The following ANTXR1 variants were observed in gnomAD, a reference collection of about 807,000 sequenced individuals.
ANTXR1 encodes ANTXR cell adhesion molecule 1.
Under a neutral mutation model 78.1 loss-of-function variants are expected in ANTXR1, and 19 were observed. The observed-to-expected ratio is 0.24, with a 90% CI of 0.17 to 0.36. The LOEUF (loss-of-function observed/expected upper bound fraction) is 0.36. ANTXR1 is among the 10% of genes least tolerant of loss of function. The pLI, the probability that ANTXR1 is intolerant of heterozygous loss-of-function variation, is 1.00. For missense variants in ANTXR1, 518 were observed against 718.6 expected, an observed-to-expected ratio of 0.72 and a Z score of 3.19; for synonymous variants, 273 against 260.5, an observed-to-expected ratio of 1.05 and a Z score of -0.46.
At chr2:69,144,638 T>C (rs1370219514) in intron 12 of ANTXR1, among the ~76,000 whole-genome samples, 1 of 152,246 alleles carries the variant, frequency 6.6e-6, no homozygotes, top group Admixed American at 6.5e-5. Flanking sequence ...TTTCCTGTCC[T>C]ATTTCTGGCA....
chr2:69,137,420 C>T (rs1029545617), intron 12 of ANTXR1, among the ~76,000 whole-genome samples: 9 of 152,114 alleles, frequency 5.9e-5, no homozygotes, highest in African/African-American at 2.2e-4. Flanking sequence ...TAGTGAATGA[C>T]CAATGTGTCC....
intron 2 of ANTXR1, among the ~76,000 whole-genome samples, chr2:69,044,341 A>C (rs534539418): frequency 6.6e-6 from 1 of 152,142 alleles, no homozygotes; most frequent in East Asian, 1.9e-4. Flanking sequence ...TCATCATTAG[A>C]GAATACACCA....
At chr2:69,209,760 G>A (rs1484900098) in intron 17 of ANTXR1, among the ~76,000 whole-genome samples, 4 of 152,250 alleles carry the variant, frequency 2.6e-5, no homozygotes, top group African/African-American at 7.2e-5. Context: ...AGAGGCCAGC[G>A]GTGATGGGTG....
chr2:69,131,625 GCACAAT>G (rs1672749506), intron 12 of ANTXR1, among the ~76,000 whole-genome samples: 1 of 152,160 alleles, frequency 6.6e-6, no homozygotes, highest in African/African-American at 2.4e-5. Context: ...CCAGCACCTG[GCACAAT>G]GTCTGCACAT....
chr2:69,140,103 C>T (rs767088872), intron 12 of ANTXR1, among the ~76,000 whole-genome samples: 1 of 152,178 alleles, frequency 6.6e-6, no homozygotes, highest in Non-Finnish European at 1.5e-5. Context: ...TAATCACCTT[C>T]ACCATCGTAA....
At chr2:69,118,838 T>C (rs1236057093) in intron 10 of ANTXR1, among the ~76,000 whole-genome samples, 1 of 152,076 alleles carries the variant, frequency 6.6e-6, no homozygotes, top group Non-Finnish European at 1.5e-5. Context: ...TGGCCCTCCT[T>C]TGTTTAGAGA....
chr2:69,187,151 C>T (rs1330367645), intron 16 of ANTXR1, among the ~76,000 whole-genome samples: 2 of 152,162 alleles, frequency 1.3e-5, no homozygotes, highest in Non-Finnish European at 2.9e-5. Context: ...AGAGAGAACA[C>T]ACGGAGGGAA....
At chr2:69,165,062 CA>C (rs1673792753) in intron 13 of ANTXR1, among the ~76,000 whole-genome samples, 1 of 152,206 alleles carries the variant, frequency 6.6e-6, no homozygotes, top group South Asian at 2.1e-4. Flanking sequence ...GTCAGAAATG[CA>C]AGTGCCCCTC....
At chr2:69,200,383 G>A (rs1674745021) in intron 17 of ANTXR1, among the ~76,000 whole-genome samples, 1 of 152,234 alleles carries the variant, frequency 6.6e-6, no homozygotes, top group African/African-American at 2.4e-5. Flanking sequence ...CCAGTCACAT[G>A]GGCACCATGT....
intron 3 of ANTXR1, among the ~76,000 whole-genome samples, chr2:69,056,084 A>G (rs538755351): frequency 3.7e-4 from 56 of 152,318 alleles, no homozygotes; most frequent in African/African-American, 1.3e-3. Context: ...AATACAAATT[A>G]AGAATAAAAA....
At chr2:69,185,172 C>A (rs1458571958) in intron 16 of ANTXR1, among the ~76,000 whole-genome samples, 1 of 152,214 alleles carries the variant, frequency 6.6e-6, no homozygotes, top group Non-Finnish European at 1.5e-5. Context: ...CATTCTTCGG[C>A]CCCACCTAAG....
intron 12 of ANTXR1, among the ~76,000 whole-genome samples, chr2:69,130,913 T>C (rs1187956838): frequency 6.6e-6 from 1 of 152,276 alleles, no homozygotes; most frequent in African/African-American, 2.4e-5. Flanking sequence ...GTAAATCAGA[T>C]GTGGTGATAA....
chr2:69,132,105 G>A (rs1470474755), intron 12 of ANTXR1, among the ~76,000 whole-genome samples: 1 of 152,166 alleles, frequency 6.6e-6, no homozygotes, highest in Non-Finnish European at 1.5e-5. Flanking sequence ...ATAGACTCAA[G>A]ATCACTCCAG....
intron 9 of ANTXR1, among the ~76,000 whole-genome samples, chr2:69,092,688 G>C (rs1275198261): frequency 6.6e-6 from 1 of 152,150 alleles, no homozygotes; most frequent in Non-Finnish European, 1.5e-5. Flanking sequence ...ATCTTACCTA[G>C]GCAAATTTGA....
chr2:69,121,805 G>T (rs1672355610), intron 10 of ANTXR1, among the ~76,000 whole-genome samples: 1 of 152,132 alleles, frequency 6.6e-6, no homozygotes, highest in Non-Finnish European at 1.5e-5. Flanking sequence ...TCAAAGCTGA[G>T]GCTTGAAGGG....
At chr2:69,190,567 A>G (rs1215846590) in intron 16 of ANTXR1, among the ~76,000 whole-genome samples, 1 of 152,224 alleles carries the variant, frequency 6.6e-6, no homozygotes, top group African/African-American at 2.4e-5. Context: ...TAAGTCTTAT[A>G]GCAAGTCTGT....
chr2:69,173,307 C>A (rs1674039712), intron 14 of ANTXR1, among the ~76,000 whole-genome samples: 1 of 152,186 alleles, frequency 6.6e-6, no homozygotes, highest in Non-Finnish European at 1.5e-5. Flanking sequence ...TCTGATATTT[C>A]TAGTCTTCAT....
chr2:69,109,876 C>A (rs1395278938), intron 10 of ANTXR1, among the ~76,000 whole-genome samples: 1 of 151,602 alleles, frequency 6.6e-6, no homozygotes. Flanking sequence ...AACCCTACTA[C>A]AATAAAACAA....
chr2:69,175,724 T>C (rs1434108728), intron 14 of ANTXR1, among the ~76,000 whole-genome samples: 1 of 152,084 alleles, frequency 6.6e-6, no homozygotes, highest in Non-Finnish European at 1.5e-5. Flanking sequence ...TATGTGGACA[T>C]CTATAGGTTG....
Sources: allele counts gnomAD v4.1 joint callset (sites outside exome capture counted in the v4.1 genomes callset), GRCh38; gene constraint gnomAD v4.1.1; transcripts MANE v1.5; gene names NCBI Gene and HGNC (gene_info 2026-07-23, HGNC 2026-07-21).